Variants in AR observed in about 807,000 individuals in gnomAD.
AR encodes androgen receptor.
Under a neutral mutation model 53.9 loss-of-function variants are expected in AR, and 8 were observed. The observed-to-expected ratio is 0.15, with a 90% CI of 0.09 to 0.27. The LOEUF (loss-of-function observed/expected upper bound fraction) is 0.27, where lower values mean the gene tolerates loss of function less well. Ranked by LOEUF, AR falls within the 10% of genes least tolerant of loss-of-function variation. The pLI is 1.00. For synonymous variants in AR, 359 were observed against 316.4 expected (o/e 1.13, Z -1.43); for missense variants, 639 against 742.5 (o/e 0.86, Z 1.62).
chrX:67,649,288 G>A (rs1191201754), intron 2 of AR, among the ~76,000 whole-genome samples: 4 of 112,108 alleles, frequency 3.6e-5, no homozygotes, highest in African/African-American at 6.5e-5. Context: ...TGGGCATTTC[G>A]GTTGGTTCCA....
rs1466607188 is a variant in AR at position 67,544,487 on chromosome X, C to CT, written c.-660_-659insT. The stretch of plus-strand genomic sequence containing the variant: ...CCCCGTCGGCCCAGCGCTGCCAGCC[C>CT]GAGTTTGCAGAGAGGTAACTCCCTT... On this transcript the variant is annotated 5_prime_UTR_variant, in exon 1 of 8. Coordinates refer to ENST00000374690, the MANE Select transcript of AR (RefSeq NM_000044.6). 6.6e-6 allele frequency: 1 copy of CT among 151,487 alleles called. No homozygotes were observed. The highest frequency in any genetic ancestry group is 3.5e-5 in the African/African-American group (1 of 28,890). The allele number at this position is 151,487 out of a possible 1,213,427, so 12.5% of individuals were successfully genotyped here. A position where few individuals can be genotyped will look rare whatever the true frequency, so the allele number is the denominator to read the frequency against.
intron 1 of AR, among the ~76,000 whole-genome samples, chrX:67,627,860 G>A (rs1924781918): frequency 1.8e-5 from 2 of 111,861 alleles, no homozygotes; most frequent in South Asian, 7.5e-4. Flanking sequence ...CATATGGCTA[G>A]CCAGTTTTTC....
chrX:67,725,552 G>A lies in AR; in HGVS notation c.*1711G>A, dbSNP rs1404122867. On this transcript the variant is annotated 3_prime_UTR_variant, in exon 8 of 8. Coordinates refer to ENST00000374690, the MANE Select transcript of AR (RefSeq NM_000044.6). ...GCATATCCACCTGCAGAAGTCATGA[G>A]AAGAGAGAAGGAACAAAGAGGAGAC... 5.7e-6 allele frequency: 1 copy of A among 174,268 alleles called. No individual in the cohort carries two copies. Among genetic ancestry groups the A allele is most frequent in the Non-Finnish European group, 1.1e-5 (1 of 91,555 alleles). The allele number at this position is 174,268 out of a possible 1,213,427, so 14.4% of individuals were successfully genotyped here.
intron 2 of AR, among the ~76,000 whole-genome samples, chrX:67,678,022 G>A (rs2075910765): frequency 1.8e-5 from 2 of 111,489 alleles, no homozygotes; most frequent in Admixed American, 1.9e-4. Context: ...TTTTGACACT[G>A]ATTCATGGTG....
Position 67,544,448 on chromosome X carries a change from ACCCGCCCC to A in AR, c.-689_-682del. 2.2e-5 allele frequency: 1 copy of A among 45,408 alleles called. No individual in the cohort carries two copies. The highest frequency in any genetic ancestry group is 4.1e-5 in the Non-Finnish European group (1 of 24,384). 3.7% of individuals were successfully genotyped at this position (45,408 alleles called of 1,213,427 possible). A position where few individuals can be genotyped will look rare whatever the true frequency, so the allele number is the denominator to read the frequency against. On this transcript the variant is annotated 5_prime_UTR_variant, in exon 1 of 8. Coordinates refer to ENST00000374690, the MANE Select transcript of AR (RefSeq NM_000044.6). ...AACCCCCCTCACCACCCTTCTCCCCACCCGCCCCCCCGCCCCCGTCGGCCCAGCGCTGC... is the reference window on the plus strand; with the variant it reads ...AACCCCCCTCACCACCCTTCTCCCCACCCGCCCCCGTCGGCCCAGCGCTGC...
In AR at chrX:67,721,967, A is replaced by C. The variant is rs1246745528; in HGVS notation, c.2449+4A>C. 1 of 1,208,678 alleles carries C rather than the reference A, an allele frequency of 8.3e-7. No homozygotes were observed. The highest frequency in any genetic ancestry group is 1.8e-5 in the African/African-American group (1 of 56,979). On this transcript the variant is annotated splice_donor_region_variant and intron_variant, in intron 6 of 7. Coordinates refer to ENST00000374690, the MANE Select transcript of AR (RefSeq NM_000044.6). ...GCACTGCTACTCTTCAGCATTAGTA[A>C]GTGCCTAGAAGTGCAGGGAATGCCC... is the stretch of plus-strand genomic sequence containing the variant.
chrX:67,628,928 C>A (rs1924878062), intron 1 of AR, among the ~76,000 whole-genome samples: 2 of 111,154 alleles, frequency 1.8e-5, no homozygotes, highest in African/African-American at 3.3e-5. Context: ...TGTTTATATG[C>A]TGGATTACAT....
intron 1 of AR, among the ~76,000 whole-genome samples, 180 bp from the exon 2 acceptor site, chrX:67,643,076 C>G (rs954416021): frequency 8.9e-6 from 1 of 112,171 alleles, no homozygotes; most frequent in Non-Finnish European, 1.9e-5. Context: ...AAGGCTCAGT[C>G]ACACCCTACA....
In AR at chrX:67,725,427, G is replaced by C. The variant is rs1468950120; in HGVS notation, c.*1586G>C. ...CTTCCTTCTTTAGAGCAGCTAAAGG[G>C]GCTACCCAGATCAGGGTTGAAGAGA... On this transcript the variant is annotated 3_prime_UTR_variant, in exon 8 of 8. Coordinates refer to ENST00000374690, the MANE Select transcript of AR (RefSeq NM_000044.6). 1 of 174,038 alleles carries C rather than the reference G, an allele frequency of 5.7e-6. No individual in the cohort carries two copies. The highest frequency in any genetic ancestry group is 1.1e-5 in the Non-Finnish European group (1 of 91,489). The allele number at this position is 174,038 out of a possible 1,213,427, so 14.3% of individuals were successfully genotyped here.
At chrX:67,628,188 C>T (rs1924810673) in intron 1 of AR, among the ~76,000 whole-genome samples, 2 of 110,234 alleles carry the variant, frequency 1.8e-5, no homozygotes, top group African/African-American at 3.3e-5. Context: ...TCATCAGTAG[C>T]TTGATGGGGA....
At position 67,711,406 on chromosome X, in the gene AR, G is replaced by A. The variant is rs1405587880; in HGVS notation, c.1890G>A (p.Arg630=). ...CYEAGMTLGA[R]KLKKLGNLKL... The stretch of plus-strand genomic sequence containing the variant: ...GTCTCTCTTCCTTCCCAATAGCCCG[G>A]AAGCTGAAGAAACTTGGTAATCTGA... Residue 630 remains arginine (R), a synonymous_variant, in exon 4 of 8, where the codon CGG becomes CGA. Transcript: ENST00000374690. The A allele has an allele frequency of 5.0e-6, 6 of 1,189,300 alleles. No individual in the cohort carries two copies. The African/African-American group carries it at 8.7e-5, about 17-fold the overall frequency.
chrX:67,705,458 G>T (rs1007670820), intron 3 of AR, among the ~76,000 whole-genome samples: 2 of 111,273 alleles, frequency 1.8e-5, no homozygotes, highest in African/African-American at 6.6e-5. Context: ...TGTGTTATTG[G>T]TGTATAAGAA....
At chrX:67,722,263 A>C in intron 6 of AR, 1 of 298,112 alleles carries the variant, frequency 3.4e-6, no homozygotes, top group Non-Finnish European at 6.1e-6. Context: ...GAATTTTTCC[A>C]TAGCTTCTGC....
intron 1 of AR, among the ~76,000 whole-genome samples, chrX:67,570,107 T>C (rs1367756962): frequency 8.9e-6 from 1 of 112,413 alleles, no homozygotes; most frequent in African/African-American, 3.2e-5. Context: ...GAAGCAGAAC[T>C]GTCTGTGTTT....
At chrX:67,692,905 A>C (rs767367286) in intron 3 of AR, among the ~76,000 whole-genome samples, 1 of 112,086 alleles carries the variant, frequency 8.9e-6, no homozygotes, top group Non-Finnish European at 1.9e-5. Context: ...CCATGACCTA[A>C]ATCGTCATCC....
chrX:67,686,657 C>A (rs902091277), intron 3 of AR, among the ~76,000 whole-genome samples: 3 of 111,903 alleles, frequency 2.7e-5, no homozygotes, highest in African/African-American at 9.7e-5. Flanking sequence ...TAGGCTGCCA[C>A]ACAGAGCCAA....
At chrX:67,557,191 G>T (rs1308101001) in intron 1 of AR, among the ~76,000 whole-genome samples, 3 of 111,238 alleles carry the variant, frequency 2.7e-5, no homozygotes, top group Admixed American at 1.9e-4. Context: ...CTGGGTGAGA[G>T]GTGACCGTGT....
chrX:67,680,850 G>T (rs932021281), intron 2 of AR: 7 of 314,667 alleles, frequency 2.2e-5, no homozygotes, highest in Middle Eastern at 4.6e-4. Context: ...AAACAAACTT[G>T]AAAGCTGTCT....
rs776097923 is a variant in AR, at chrX:67,630,019, C to T, written c.1617-13237C>T. On this transcript the variant is annotated intron_variant, in intron 1 of 7. Coordinates refer to ENST00000374690, the MANE Select transcript of AR (RefSeq NM_000044.6). ...TCTGAGAGATAGTTTGTTATAATTT[C>T]TGTTCTTTTACATTTGCTGAGGAGA... Among the ~76,000 whole-genome samples the T allele has an allele frequency of 6.3e-5, 7 of 111,217 alleles. No individual in the cohort carries two copies. The East Asian group carries it at 2.0e-3, about 32-fold the overall frequency.
Sources: allele counts gnomAD v4.1 joint callset (sites outside exome capture counted in the v4.1 genomes callset), GRCh38; gene constraint gnomAD v4.1.1; transcripts MANE v1.5; gene names NCBI Gene and HGNC (gene_info 2026-07-23, HGNC 2026-07-21).